MALRD1: variants seen among roughly 807,000 people sequenced by gnomAD.
MALRD1 encodes the protein MAM and LDL-receptor class A domain-containing protein 1.
A neutral mutation model predicts 242.1 loss-of-function variants in MALRD1; 247 were observed. The ratio of observed to expected loss-of-function variants is 1.02; its 90% CI spans 0.92 to 1.13. The LOEUF is 1.13. Ranked by LOEUF, MALRD1 falls within the 50% of genes most tolerant of loss-of-function variation. The pLI is 0.00. For missense variants in MALRD1, 2,989 were observed against 2,533.1 expected, an observed-to-expected ratio of 1.18 and a Z score of -3.86; for synonymous variants, 995 against 866.6, an observed-to-expected ratio of 1.15 and a Z score of -2.60.
chr10:19,632,841 C>T (rs1839966360), intron 36 of MALRD1, among the ~76,000 whole-genome samples: 1 of 151,972 alleles, frequency 6.6e-6, no homozygotes, highest in Admixed American at 6.6e-5. Context: ...GTAGAATGAC[C>T]AATAAATAAG....
chr10:19,351,988 T>C lies in MALRD1; in HGVS notation c.4150-18T>C. 6.6e-7 allele frequency: 1 copy of C among 1,518,416 alleles called. No individual in the cohort carries two copies. The highest frequency in any genetic ancestry group is 8.9e-7 in the Non-Finnish European group (1 of 1,119,208). 94.1% of individuals were successfully genotyped at this position (1,518,416 alleles called of 1,614,324 possible). On this transcript the variant is annotated intron_variant, in intron 25 of 39. Transcript: ENST00000454679. Reference sequence around the variant, plus strand: ...ATACTAATCATATCGTATGTAATATTCCTATTCTTGATTACAGATTATTTT... The same window carrying C: ...ATACTAATCATATCGTATGTAATATCCCTATTCTTGATTACAGATTATTTT...
chr10:19,620,657 T>A (rs1344777922), intron 36 of MALRD1, among the ~76,000 whole-genome samples: 2 of 152,034 alleles, frequency 1.3e-5, no homozygotes, highest in African/African-American at 4.8e-5. Context: ...TTGAAGACCG[T>A]GGGCCAAGAA....
At chr10:19,367,027 A>G (rs1347542164) in intron 26 of MALRD1, among the ~76,000 whole-genome samples, 1 of 152,180 alleles carries the variant, frequency 6.6e-6, no homozygotes, top group African/African-American at 2.4e-5. Context: ...TATGGGGTAC[A>G]TAGTGATACT....
intron 28 of MALRD1, among the ~76,000 whole-genome samples, chr10:19,431,510 ATTTTAT>A (rs1834125471): frequency 6.6e-6 from 1 of 152,086 alleles, no homozygotes; most frequent in Non-Finnish European, 1.5e-5. Context: ...ATATTTCTAT[ATTTTAT>A]TTTTATGTAC....
intron 21 of MALRD1, among the ~76,000 whole-genome samples, chr10:19,312,402 G>T (rs11009408): frequency 9.1e-6 from 1 of 110,052 alleles, no homozygotes; most frequent in African/African-American, 3.6e-5. Context: ...ATATATATAT[G>T]TGTATATGTG....
At chr10:19,553,888 G>C (rs1319694327) in intron 32 of MALRD1, among the ~76,000 whole-genome samples, 1 of 152,066 alleles carries the variant, frequency 6.6e-6, no homozygotes, top group Admixed American at 6.6e-5. Context: ...AGATCTCCAA[G>C]GTCCTTTCTA....
Position 19,273,597 on chromosome 10 carries a change from GC to G in MALRD1, c.3080-6448del, listed in dbSNP as rs201707584. 7.4e-3 allele frequency among the ~76,000 whole-genome samples: 1,127 copies of G among 152,276 alleles called. 18 individuals carry two copies. Among genetic ancestry groups the G allele is most frequent in the African/African-American group, 0.026 (1,074 of 41,548 alleles). The stretch of plus-strand genomic sequence containing the variant: ...GCTGAGATATGAAGGAAATTTACCT[GC>G]CTGTTACTAAGCAGAAGAAGCCAAT... On this transcript the variant is annotated intron_variant, in intron 19 of 39. Transcript: ENST00000454679.
At chr10:19,617,272 CTAAGGT>C (rs1839201171) in intron 36 of MALRD1, among the ~76,000 whole-genome samples, 1 of 151,778 alleles carries the variant, frequency 6.6e-6, no homozygotes, top group African/African-American at 2.4e-5. Flanking sequence ...TGGGAGAACT[CTAAGGT>C]GAGGGAGATG....
chr10:19,302,204 G>T (rs1195777621), intron 21 of MALRD1, among the ~76,000 whole-genome samples: 1 of 151,740 alleles, frequency 6.6e-6, no homozygotes, highest in Non-Finnish European at 1.5e-5. Flanking sequence ...ACATTGTCTG[G>T]CAGTTTCTTA....
At chr10:19,325,286 A>C (rs992997820) in intron 22 of MALRD1, among the ~76,000 whole-genome samples, 2 of 151,872 alleles carry the variant, frequency 1.3e-5, no homozygotes, top group Admixed American at 1.3e-4. Context: ...ACGAACCTCC[A>C]TGTCTCTCTA....
intron 29 of MALRD1, among the ~76,000 whole-genome samples, chr10:19,471,747 A>G (rs1836509268): frequency 6.6e-6 from 1 of 151,028 alleles, no homozygotes; most frequent in Admixed American, 6.6e-5. Flanking sequence ...AAGAAACACT[A>G]CTGATTTTTG....
chr10:19,657,732 G>C (rs1031882843), intron 36 of MALRD1, among the ~76,000 whole-genome samples: 2 of 152,026 alleles, frequency 1.3e-5, no homozygotes, highest in African/African-American at 2.4e-5. Context: ...AAATTAAACA[G>C]TTAATTATTA....
At chr10:19,133,823 G>A in intron 8 of MALRD1, 33 bp from the exon 9 acceptor site, 1 of 979,106 alleles carries the variant, frequency 1.0e-6, no homozygotes, top group Non-Finnish European at 1.3e-6. Flanking sequence ...TAGAATACGG[G>A]TAATGAGTGA....
At chr10:19,381,645 T>C (rs1845842314) in intron 26 of MALRD1, among the ~76,000 whole-genome samples, 1 of 148,244 alleles carries the variant, frequency 6.7e-6, no homozygotes, top group African/African-American at 2.5e-5. Flanking sequence ...CTGGCCTACA[T>C]GGTGAAACTC....
chr10:19,263,496 T>C (rs894728958), intron 19 of MALRD1, among the ~76,000 whole-genome samples: 5 of 152,154 alleles, frequency 3.3e-5, no homozygotes, highest in Non-Finnish European at 5.9e-5. Context: ...TTTGTTGTTT[T>C]TTTTTGTTTT....
At chr10:19,072,694 A>T (rs1405168348) in intron 2 of MALRD1, among the ~76,000 whole-genome samples, 3 of 152,174 alleles carry the variant, frequency 2.0e-5, no homozygotes, top group Non-Finnish European at 4.4e-5. Flanking sequence ...TCACATTTAT[A>T]GCAAACAAAA....
intron 2 of MALRD1, among the ~76,000 whole-genome samples, chr10:19,075,535 A>G (rs976402836): frequency 2.0e-5 from 3 of 152,056 alleles, no homozygotes; most frequent in African/African-American, 7.2e-5. Flanking sequence ...GGCCTCTAAA[A>G]GTGGAGAACA....
At chr10:19,530,448 A>AATAAATTTTATATAATATG (rs1554793525) in intron 31 of MALRD1, among the ~76,000 whole-genome samples, 1 of 100,184 alleles carries the variant, frequency 1.0e-5, no homozygotes, top group Non-Finnish European at 2.1e-5. Flanking sequence ...AATATATAAT[A>AATAAATTTTATATAATATG]TATAATATAT....
chr10:19,160,069 T>C (rs1221925116), intron 12 of MALRD1, among the ~76,000 whole-genome samples: 1 of 152,210 alleles, frequency 6.6e-6, no homozygotes, highest in Admixed American at 6.5e-5. Flanking sequence ...TCATACTATA[T>C]ATAAAATCTG....
Sources: gnomAD v4.1 joint callset for allele counts (sites outside exome capture counted in the v4.1 genomes callset) on GRCh38, gnomAD v4.1.1 for gene constraint, MANE v1.5 for transcripts, NCBI Gene and HGNC (gene_info 2026-07-23, HGNC 2026-07-21) for gene names.